Variants in UBE3C observed in about 807,000 individuals in gnomAD.
UBE3C encodes ubiquitin-protein ligase E3C.
A neutral mutation model predicts 129.4 loss-of-function variants in UBE3C; 42 were observed. The observed-to-expected ratio is 0.32, with a 90% CI of 0.25 to 0.42. UBE3C has a LOEUF of 0.42. Ranked by LOEUF, UBE3C falls within the 10% of genes least tolerant of loss-of-function variation. The pLI is 1.00. For missense variants in UBE3C, 1,049 were observed against 1,319.1 expected (o/e 0.80, Z 3.17); for synonymous variants, 510 against 492.4 (o/e 1.04, Z -0.47).
At chr7:157,159,973 G>T (rs904663077) in intron 1 of UBE3C, among the ~76,000 whole-genome samples, 2 of 152,090 alleles carry the variant, frequency 1.3e-5, no homozygotes, top group Admixed American at 1.3e-4. Context: ...TTCTTTTGTT[G>T]TGATTATAAA....
At chr7:157,143,639 C>T (rs1807521100) in intron 1 of UBE3C, among the ~76,000 whole-genome samples, 1 of 152,132 alleles carries the variant, frequency 6.6e-6, no homozygotes, top group Non-Finnish European at 1.5e-5. Context: ...CTGATAACCT[C>T]AGTCTGAGGA....
chr7:157,264,509 G>A (rs113965987), intron 22 of UBE3C, among the ~76,000 whole-genome samples: 71 of 123,840 alleles, frequency 5.7e-4, no homozygotes, highest in African/African-American at 2.2e-3. Context: ...CAACATGCTC[G>A]GCCTGTTACA....
chr7:157,236,329 T>C (rs1169323930), intron 18 of UBE3C, among the ~76,000 whole-genome samples: 1 of 152,242 alleles, frequency 6.6e-6, no homozygotes, highest in African/African-American at 2.4e-5. Context: ...ATATTTGAAT[T>C]CTATTTGAAA....
At chr7:157,248,967 T>C (rs771214490) in intron 19 of UBE3C, among the ~76,000 whole-genome samples, 2 of 152,206 alleles carry the variant, frequency 1.3e-5, no homozygotes, top group Non-Finnish European at 2.9e-5. Context: ...GCTCCAGCAC[T>C]GTCTAGGGGG....
intron 21 of UBE3C, 58 bp from the exon 22 acceptor site, chr7:157,256,856 G>A: frequency 1.9e-6 from 3 of 1,603,388 alleles, no homozygotes; most frequent in East Asian, 2.2e-5. Flanking sequence ...AATCCCTGTG[G>A]GTCCTGAAGG....
intron 22 of UBE3C, among the ~76,000 whole-genome samples, chr7:157,260,548 G>A (rs1165151241): frequency 2.6e-5 from 4 of 152,292 alleles, no homozygotes; most frequent in Admixed American, 6.5e-5. Flanking sequence ...TGCAGGTGAG[G>A]CGTGCAGACG....
chr7:157,163,986 T>A, intron 2 of UBE3C, 123 bp downstream of exon 2: 1 of 874,712 alleles, frequency 1.1e-6, no homozygotes, highest in Non-Finnish European at 1.7e-6. Context: ...AATGTGTGTG[T>A]ATGTGTGTTT....
intron 17 of UBE3C, among the ~76,000 whole-genome samples, chr7:157,230,469 G>C (rs979847934): frequency 4.0e-4 from 61 of 151,810 alleles, no homozygotes; most frequent in African/African-American, 1.4e-3. Flanking sequence ...AGCCAAGGCG[G>C]GCAGATCACA....
At chr7:157,179,675 GC>G (rs1312997348) in intron 6 of UBE3C, among the ~76,000 whole-genome samples, 1 of 152,198 alleles carries the variant, frequency 6.6e-6, no homozygotes, top group Non-Finnish European at 1.5e-5. Flanking sequence ...GGTCTGGAGA[GC>G]CGTGGCTGCA....
chr7:157,184,671 TCA>T (rs1318988716), intron 9 of UBE3C, among the ~76,000 whole-genome samples: 2 of 152,234 alleles, frequency 1.3e-5, no homozygotes, highest in African/African-American at 4.8e-5. Context: ...CTAAGTGTAA[TCA>T]CAGAATATAC....
chr7:157,170,638 A>G (rs1433881303), intron 4 of UBE3C, among the ~76,000 whole-genome samples, 188 bp downstream of exon 4: 1 of 152,346 alleles, frequency 6.6e-6, no homozygotes, highest in East Asian at 1.9e-4. Context: ...TTTGATACAC[A>G]TAAAAATGTG....
At chr7:157,143,659 G>C (rs1336870984) in intron 1 of UBE3C, among the ~76,000 whole-genome samples, 3 of 152,208 alleles carry the variant, frequency 2.0e-5, no homozygotes, top group Admixed American at 2.0e-4. Flanking sequence ...AGGGCTTGGA[G>C]GCTTGGTTCA....
intron 1 of UBE3C, among the ~76,000 whole-genome samples, chr7:157,153,823 A>AAAAC (rs112301421): frequency 0.42 from 63,562 of 150,372 alleles, 16,510 homozygotes; most frequent in African/African-American, 0.74. Context: ...CTAAAAATAC[A>AAAAC]AAACAAACAA....
chr7:157,227,182 A>C (rs1414143491), intron 17 of UBE3C, among the ~76,000 whole-genome samples: 1 of 152,090 alleles, frequency 6.6e-6, no homozygotes, highest in African/African-American at 2.4e-5. Flanking sequence ...TTTGCCAATG[A>C]TCGTGTAGTG....
chr7:157,191,173 T>A (rs918203677), intron 10 of UBE3C, among the ~76,000 whole-genome samples: 11 of 152,236 alleles, frequency 7.2e-5, no homozygotes, highest in African/African-American at 2.4e-4. Context: ...CTTAATTATG[T>A]CTTGTGTTGT....
intron 5 of UBE3C, 103 bp downstream of exon 5, chr7:157,175,137 C>CTTTTTTTTTTTTTTTTTTTTTTTT (rs56852731): frequency 4.4e-6 from 1 of 226,512 alleles, no homozygotes; most frequent in Non-Finnish European, 6.9e-6. Context: ...CTTTTCCATA[C>CTTTTTTTTTTTTTTTTTTTTTTTT]TTTTTTTTTT....
At chr7:157,172,587 G>A (rs73743214) in intron 4 of UBE3C, among the ~76,000 whole-genome samples, 2,469 of 152,218 alleles carry the variant, frequency 0.016, 58 homozygotes, top group African/African-American at 0.057. Context: ...TCTGTAAACC[G>A]AGAACGTGCA....
intron 6 of UBE3C, among the ~76,000 whole-genome samples, chr7:157,180,380 A>T (rs1808635870): frequency 6.6e-6 from 1 of 152,214 alleles, no homozygotes; most frequent in Admixed American, 6.5e-5. Flanking sequence ...TTTTAGTTTC[A>T]TAGCAAAAGA....
chr7:157,239,327 A>T (rs974919060), intron 18 of UBE3C, among the ~76,000 whole-genome samples: 39 of 152,350 alleles, frequency 2.6e-4, no homozygotes, highest in Admixed American at 4.6e-4. Flanking sequence ...ATTGAGTTGA[A>T]GAATCCAGAC....
Sources: allele counts gnomAD v4.1 joint callset (sites outside exome capture counted in the v4.1 genomes callset), GRCh38; gene constraint gnomAD v4.1.1; transcripts MANE v1.5; gene names NCBI Gene and HGNC (gene_info 2026-07-23, HGNC 2026-07-21).